The following PDE9A variants were observed in gnomAD, a reference collection of about 807,000 sequenced individuals.
The protein encoded by PDE9A is phosphodiesterase 9A.
Under a neutral mutation model 87.4 loss-of-function variants are expected in PDE9A, and 60 were observed. The observed-to-expected ratio is 0.69, with a 90% confidence interval of 0.56 to 0.85. The LOEUF (loss-of-function observed/expected upper bound fraction) is 0.85, where lower values mean the gene tolerates loss of function less well. Among genes scored for constraint, PDE9A ranks in the 40% least tolerant of loss-of-function variants. The pLI is 0.00. For missense variants in PDE9A, 665 were observed against 779.0 expected (o/e 0.85, Z 1.74); for synonymous variants, 272 against 279.4 (o/e 0.97, Z 0.27).
intron 7 of PDE9A, among the ~76,000 whole-genome samples, chr21:42,735,787 G>A (rs370449291): frequency 6.6e-6 from 1 of 152,102 alleles, no homozygotes. Flanking sequence ...TTCTACATAA[G>A]GTCCCATTCA....
At position 42,760,401 on chromosome 21, in the gene PDE9A, T is replaced by C. The variant is rs1169660090; in HGVS notation, c.971T>C (p.Met324Thr). 1 of 1,607,696 alleles carries C rather than the reference T, an allele frequency of 6.2e-7. No homozygotes were observed. The highest frequency in any genetic ancestry group is 1.1e-5 in the South Asian group (1 of 91,056). The change falls in exon 12 of 20, where the codon ATG becomes ACG. Residue 324 changes from methionine (M) to threonine (T), a missense_variant. By Grantham distance (81) the Met-to-Thr change is moderately conservative (BLOSUM62 -1). Coordinates refer to ENST00000291539, the MANE Select transcript of PDE9A (RefSeq NM_002606.3). The surrounding 1 kb of genome is among the most constrained non-coding windows in gnomAD (Gnocchi z 5.2). ...CACTGCTTCTGCGTGGCCCAGATGATGTACAGCATGGTCTGGCTCTGCAGT... is the reference window on the plus strand; with the variant it reads ...CACTGCTTCTGCGTGGCCCAGATGACGTACAGCATGGTCTGGCTCTGCAGT... ...FRHCFCVAQM[M>T]YSMVWLCSLQ...
rs1473680348 is a variant in PDE9A at position 42,692,452 on chromosome 21, C to T, written c.218+4458C>T. 6.6e-6 allele frequency among the ~76,000 whole-genome samples: 1 copy of T among 152,166 alleles called. No homozygotes were observed. The highest frequency in any genetic ancestry group is 1.5e-5 in the Non-Finnish European group (1 of 68,030). On this transcript the variant is annotated intron_variant, in intron 3 of 19. Transcript: ENST00000291539. This position sits in a 1 kb window ranked among gnomAD's most constrained non-coding sequence, Gnocchi z 4.3. ...CGGAGCACCTGGTGTCTGAGGTCTC[C>T]CCTGTGCTCTGTCGCTGTCCTCTCA...
At chr21:42,658,447 G>A (rs2057253180) in intron 1 of PDE9A, among the ~76,000 whole-genome samples, 1 of 152,336 alleles carries the variant, frequency 6.6e-6, no homozygotes, top group East Asian at 1.9e-4. Flanking sequence ...CCCCAACCTT[G>A]TCTGGTGTGG....
intron 4 of PDE9A, among the ~76,000 whole-genome samples, chr21:42,707,579 C>G (rs1031487249): frequency 6.6e-6 from 1 of 152,148 alleles, no homozygotes; most frequent in Non-Finnish European, 1.5e-5. Context: ...CAATCCCCCA[C>G]TCCCTCCCAG....
intron 18 of PDE9A, 65 bp downstream of exon 18, chr21:42,770,863 C>G: frequency 7.9e-7 from 1 of 1,267,400 alleles, no homozygotes. Flanking sequence ...TCCGCACTCC[C>G]GACTCCAGAA....
intron 4 of PDE9A, among the ~76,000 whole-genome samples, chr21:42,719,544 G>A (rs1029837285): frequency 6.6e-6 from 1 of 150,976 alleles, no homozygotes; most frequent in African/African-American, 2.4e-5. Context: ...AGGAGCTGAG[G>A]CAGGAGAATC....
intron 8 of PDE9A, among the ~76,000 whole-genome samples, chr21:42,749,523 C>A (rs2054207361): frequency 6.6e-6 from 1 of 152,232 alleles, no homozygotes; most frequent in African/African-American, 2.4e-5. Flanking sequence ...CACTGCCCAA[C>A]CGGAAGGTGG....
At chr21:42,670,371 C>T (rs1281978986) in intron 1 of PDE9A, among the ~76,000 whole-genome samples, 22,138 of 131,626 alleles carry the variant, frequency 0.17, 2,924 homozygotes, top group African/African-American at 0.46. Context: ...CACACACATT[C>T]ACACACATTC....
At chr21:42,712,134 G>A (rs962286872) in intron 4 of PDE9A, among the ~76,000 whole-genome samples, 1 of 151,856 alleles carries the variant, frequency 6.6e-6, no homozygotes, top group Non-Finnish European at 1.5e-5. Flanking sequence ...GGAGGGTAGT[G>A]TCTTAACCAT....
intron 4 of PDE9A, among the ~76,000 whole-genome samples, chr21:42,707,870 G>A (rs1460610418): frequency 1.3e-5 from 2 of 152,196 alleles, no homozygotes; most frequent in Non-Finnish European, 2.9e-5. Context: ...CTGCCACTTG[G>A]TAAGCGCCCA....
intron 1 of PDE9A, among the ~76,000 whole-genome samples, chr21:42,669,865 T>C (rs866128263): frequency 5.9e-5 from 9 of 152,142 alleles, no homozygotes; most frequent in Non-Finnish European, 1.2e-4. Context: ...AGAGCTGGAA[T>C]TGAGCCCGGG....
At chr21:42,691,040 C>CCA (rs2146237190) in intron 3 of PDE9A, among the ~76,000 whole-genome samples, 2 of 151,368 alleles carry the variant, frequency 1.3e-5, no homozygotes, top group East Asian at 3.9e-4. Context: ...ATCACCATCA[C>CCA]TATCCAGAGT....
chr21:42,771,707 G>A (rs974965866), intron 18 of PDE9A, among the ~76,000 whole-genome samples: 7 of 152,238 alleles, frequency 4.6e-5, no homozygotes, highest in Non-Finnish European at 1.0e-4. Flanking sequence ...GCGTAGCCTT[G>A]GGTTGGTCTC....
rs1428800857 is a variant in PDE9A, at chr21:42,731,969, C to T, written c.442+20C>T. The T allele has an allele frequency of 1.9e-6, 3 of 1,611,882 alleles. No individual in the cohort carries two copies. The East Asian group carries it at 6.7e-5, about 36-fold the overall frequency. On this transcript the variant is annotated intron_variant, in intron 5 of 19. Transcript: ENST00000291539. Reference sequence around the variant, plus strand: ...CTCCAGGTAACGGGCAGCTCCTCGGCCACAGCCTCCACCCCCCAACACGTG... The same window carrying T: ...CTCCAGGTAACGGGCAGCTCCTCGGTCACAGCCTCCACCCCCCAACACGTG...
intron 4 of PDE9A, among the ~76,000 whole-genome samples, chr21:42,709,489 T>C (rs1013485846): frequency 2.0e-5 from 3 of 152,184 alleles, no homozygotes; most frequent in East Asian, 1.9e-4. Flanking sequence ...TGCACGTGCA[T>C]GTAACCGCCA....
Position 42,765,404 on chromosome 21 carries a change from C to T in PDE9A, c.1266C>T (p.Ala422=). Residue 422 remains alanine (A), a synonymous_variant, in exon 15 of 20, where the codon GCC becomes GCT. Transcript: ENST00000291539. ...AGGGAATGATCACATTAATCTTGGC[C>T]ACTGACATGGCAAGACATGCAGAAA... is the stretch of plus-strand genomic sequence containing the variant. ...IRQGMITLIL[A]TDMARHAEIM... The T allele has an allele frequency of 1.2e-6, 2 of 1,608,100 alleles. No individual in the cohort carries two copies. The highest frequency in any genetic ancestry group is 1.7e-6 in the Non-Finnish European group (2 of 1,174,626).
At chr21:42,731,701 TA>T in intron 4 of PDE9A, 68 bp from the exon 5 acceptor site, 1 of 1,480,072 alleles carries the variant, frequency 6.8e-7, no homozygotes, top group Non-Finnish European at 9.2e-7. Flanking sequence ...ATTGCCCCCA[TA>T]AAATAGACCT....
intron 7 of PDE9A, among the ~76,000 whole-genome samples, chr21:42,740,704 G>GATAGA (rs1250691790): frequency 6.7e-5 from 9 of 133,346 alleles, no homozygotes; most frequent in South Asian, 5.1e-4. Flanking sequence ...TAGGTAGGTA[G>GATAGA]TAGATAGATA....
chr21:42,683,103 G>A lies in PDE9A; in HGVS notation c.70-3089G>A, dbSNP rs979346084. Among the ~76,000 whole-genome samples, 12 of 152,172 alleles carry A rather than the reference G, an allele frequency of 7.9e-5. No homozygotes were observed. In the East Asian group the frequency reaches 1.9e-3, roughly 24 times the overall value. On this transcript the variant is annotated intron_variant, in intron 1 of 19. Coordinates refer to ENST00000291539, the MANE Select transcript of PDE9A (RefSeq NM_002606.3). ...GAGCCGGAAAGTCCAACAGTACAAC[G>A]ACACGCATGATGCCAAAAAGTAAAG...
Sources: allele counts gnomAD v4.1 joint callset (sites outside exome capture counted in the v4.1 genomes callset), GRCh38; gene constraint gnomAD v4.1.1; non-coding constraint Gnocchi (gnomAD v3.1); transcripts MANE v1.5; gene names NCBI Gene and HGNC (gene_info 2026-07-23, HGNC 2026-07-21).